The following SLC5A10 variants were observed in gnomAD, a reference collection of about 807,000 sequenced individuals.
The protein encoded by SLC5A10 is sodium/mannose cotransporter SLC5A10.
In SLC5A10, 55 loss-of-function variants were observed where a neutral mutation model predicts 68.9. The ratio of observed to expected loss-of-function variants is 0.80; its 90% confidence interval spans 0.64 to 1.00. The LOEUF is 1.00. Ranked by LOEUF, SLC5A10 falls within the 50% of genes least tolerant of loss-of-function variation. The pLI is 0.00. For missense variants in SLC5A10, 732 were observed against 819.3 expected (o/e 0.89, Z 1.30); for synonymous variants, 344 against 344.8 (o/e 1.00, Z 0.02).
chr17:19,012,617 T>G (rs376830130), intron 9 of SLC5A10, among the ~76,000 whole-genome samples: 4 of 152,074 alleles, frequency 2.6e-5, no homozygotes, highest in East Asian at 1.9e-4. Context: ...AAGGAGGCAG[T>G]CCTCAGGCGA....
rs1168021444 is a variant in SLC5A10 at position 18,958,604 on chromosome 17, C to A, written c.112-78C>A. 5.5e-6 allele frequency: 7 copies of A among 1,280,268 alleles called. No homozygotes were observed. The African/African-American group carries it at 7.3e-5, about 13-fold the overall frequency. The allele number at this position is 1,280,268 out of a possible 1,614,324, so 79.3% of individuals were successfully genotyped here. A position where few individuals can be genotyped will look rare whatever the true frequency, so the allele number is the denominator to read the frequency against. ...ATTCTATGCGTAACCTTTTGAGGAG[C>A]TGCCAAGCCGTTTCCCATTCGACTT... On this transcript the variant is annotated intron_variant, in intron 1 of 14. Transcript: ENST00000395645.
At chr17:18,956,465 G>GTTTTTT (rs750867503) in intron 1 of SLC5A10, among the ~76,000 whole-genome samples, 45 of 97,986 alleles carry the variant, frequency 4.6e-4, no homozygotes, top group African/African-American at 6.5e-4. Context: ...TTTTCTTTCT[G>GTTTTTT]TTTTTTTTTT....
intron 9 of SLC5A10, chr17:18,977,701 G>C: frequency 1.9e-6 from 3 of 1,610,338 alleles, no homozygotes; most frequent in Non-Finnish European, 1.7e-6. Flanking sequence ...AGGTCCCTCG[G>C]GTTATATGGG....
At chr17:18,989,355 G>A (rs2152130501) in intron 9 of SLC5A10, among the ~76,000 whole-genome samples, 1 of 152,328 alleles carries the variant, frequency 6.6e-6, no homozygotes, top group Non-Finnish European at 1.5e-5. Context: ...GGTGGAGGCG[G>A]CCTGGAGCCT....
chr17:18,980,391 CTG>C (rs2043100868), intron 9 of SLC5A10, among the ~76,000 whole-genome samples: 2 of 152,130 alleles, frequency 1.3e-5, no homozygotes, highest in South Asian at 4.1e-4. Context: ...CCCTCAGAGA[CTG>C]TGGCCAAGGG....
At chr17:19,008,646 C>T (rs2043951283) in intron 9 of SLC5A10, among the ~76,000 whole-genome samples, 1 of 151,650 alleles carries the variant, frequency 6.6e-6, no homozygotes, top group Non-Finnish European at 1.5e-5. Flanking sequence ...ACTACAGGCG[C>T]CTGCCACCAC....
intron 5 of SLC5A10, 24 bp from the exon 6 acceptor site, chr17:18,969,028 A>G (rs2042770769): frequency 1.2e-6 from 2 of 1,602,422 alleles, no homozygotes; most frequent in South Asian, 1.1e-5. Flanking sequence ...TAACAGTCCC[A>G]CACAAGGCTC....
At chr17:18,958,914 T>C (rs527624540) in intron 2 of SLC5A10, among the ~76,000 whole-genome samples, 161 bp downstream of exon 2, 8 of 152,190 alleles carry the variant, frequency 5.3e-5, no homozygotes, top group Non-Finnish European at 1.2e-4. Flanking sequence ...GCTGAGCTGC[T>C]AGAAATTGTG....
chr17:18,959,827 T>A (rs1253492773), intron 4 of SLC5A10, among the ~76,000 whole-genome samples, 164 bp downstream of exon 4: 1 of 134,470 alleles, frequency 7.4e-6, no homozygotes, highest in Admixed American at 7.1e-5. Flanking sequence ...CTAAGGTGGA[T>A]CCCGACTAAT....
chr17:19,002,818 G>A (rs1470613161), intron 9 of SLC5A10, among the ~76,000 whole-genome samples: 1 of 152,162 alleles, frequency 6.6e-6, no homozygotes, highest in Non-Finnish European at 1.5e-5. Context: ...GCCCAACAGG[G>A]GTGGAGAAGG....
At chr17:18,969,580 C>T in intron 7 of SLC5A10, 158 bp downstream of exon 7, 4 of 630,832 alleles carry the variant, frequency 6.3e-6, no homozygotes, top group Non-Finnish European at 1.1e-5. Flanking sequence ...AGGCAGTCAG[C>T]CCCCCTGCTG....
rs1036617923 is a variant in SLC5A10 at position 18,968,163 on chromosome 17, G to A, written c.454-889G>A. On this transcript the variant is annotated intron_variant, in intron 5 of 14. Transcript: ENST00000395645. The surrounding 1 kb of genome is among the most constrained non-coding windows in gnomAD (Gnocchi z 4.1). Reference sequence around the variant, plus strand: ...CTGGGGCCTGCACTTCCTGGGCCTCGTGCAGATGTGTCCCCACACTAGGAA... The same window carrying A: ...CTGGGGCCTGCACTTCCTGGGCCTCATGCAGATGTGTCCCCACACTAGGAA... Among the ~76,000 whole-genome samples the A allele has an allele frequency of 1.3e-5, 2 of 152,194 alleles. No individual in the cohort carries two copies. The highest frequency in any genetic ancestry group is 2.9e-5 in the Non-Finnish European group (2 of 68,030).
intron 9 of SLC5A10, among the ~76,000 whole-genome samples, chr17:18,994,392 G>A (rs2043509489): frequency 6.6e-6 from 1 of 152,198 alleles, no homozygotes; most frequent in African/African-American, 2.4e-5. Context: ...GGTTCACTCT[G>A]AGTGTAGCAG....
chr17:18,991,631 G>T (rs2043427451), intron 9 of SLC5A10, among the ~76,000 whole-genome samples: 1 of 152,210 alleles, frequency 6.6e-6, no homozygotes, highest in South Asian at 2.1e-4. Flanking sequence ...GCAGGAACCA[G>T]CCATGTCCAT....
chr17:18,982,142 C>T (rs527570506), intron 9 of SLC5A10, among the ~76,000 whole-genome samples: 51 of 152,348 alleles, frequency 3.3e-4, no homozygotes, highest in African/African-American at 1.1e-3. Context: ...CCGCAGGCCT[C>T]GGCTGGGCCG....
In SLC5A10 at chr17:19,015,030, A is replaced by G. The variant is rs1236114144; in HGVS notation, c.1091-19A>G. On this transcript the variant is annotated intron_variant, in intron 10 of 14. Transcript: ENST00000395645. ...GTCTCAAGGCCGGACAGGGTCACAC[A>G]TCCCCCGTCCCACCCCAGGTCTGCG... 38 of 1,608,148 alleles carry G rather than the reference A, an allele frequency of 2.4e-5. No individual in the cohort carries two copies. The highest frequency in any genetic ancestry group is 3.2e-5 in the Non-Finnish European group (38 of 1,175,556).
At chr17:18,956,724 C>T (rs2042511391) in intron 1 of SLC5A10, among the ~76,000 whole-genome samples, 1 of 152,134 alleles carries the variant, frequency 6.6e-6, no homozygotes, top group Admixed American at 6.5e-5. Context: ...AACCCTCCTT[C>T]CTTGGCCTCC....
intron 1 of SLC5A10, among the ~76,000 whole-genome samples, chr17:18,955,107 AAAAG>A (rs2042470929): frequency 8.3e-6 from 1 of 120,996 alleles, no homozygotes; most frequent in African/African-American, 2.8e-5. Flanking sequence ...AAAAAAAAAA[AAAAG>A]AATTCAGGAA....
At position 19,003,508 on chromosome 17, in the gene SLC5A10, G is replaced by T; in HGVS notation, c.983-9902G>T. On this transcript the variant is annotated intron_variant, in intron 9 of 14. Transcript: ENST00000395645. The surrounding 1 kb of genome is among the most constrained non-coding windows in gnomAD (Gnocchi z 4.5). ...TTGGGCCATGGCTCCAGGAGTCCCC[G>T]CGCTGCCTCACCTTCTGTGCCTGGC... is the stretch of plus-strand genomic sequence containing the variant. 1 of 1,520,032 alleles carries T rather than the reference G, an allele frequency of 6.6e-7. No homozygotes were observed. 94.2% of individuals were successfully genotyped at this position (1,520,032 alleles called of 1,614,324 possible).
Sources: gnomAD v4.1 joint callset for allele counts (sites outside exome capture counted in the v4.1 genomes callset) on GRCh38, gnomAD v4.1.1 for gene constraint, Gnocchi (gnomAD v3.1) non-coding constraint, MANE v1.5 for transcripts, NCBI Gene and HGNC (gene_info 2026-07-23, HGNC 2026-07-21) for gene names.